The following AKAP6 variants were observed in gnomAD, a reference collection of about 807,000 sequenced individuals.
AKAP6 encodes A-kinase anchoring protein 6.
In AKAP6, 58 loss-of-function variants were observed where a neutral mutation model predicts 188.5. The observed-to-expected ratio is 0.31, with a 90% confidence interval of 0.25 to 0.38. The LOEUF is 0.38. AKAP6 is among the 10% of genes least tolerant of loss of function. The pLI is 1.00. For missense variants in AKAP6, 2,710 were observed against 2,740.0 expected (o/e 0.99, Z 0.24); for synonymous variants, 989 against 998.6 (o/e 0.99, Z 0.18).
At chr14:32,586,320 T>C (rs1299260703) in intron 5 of AKAP6, among the ~76,000 whole-genome samples, 1 of 152,232 alleles carries the variant, frequency 6.6e-6, no homozygotes, top group Non-Finnish European at 1.5e-5. Flanking sequence ...ATATCATTTC[T>C]GATTTATTTC....
At chr14:32,532,940 C>A (rs1178279131) in intron 2 of AKAP6, among the ~76,000 whole-genome samples, 1 of 152,072 alleles carries the variant, frequency 6.6e-6, no homozygotes, top group Non-Finnish European at 1.5e-5. Flanking sequence ...CTGAAGAGCA[C>A]CTGTAGTGGG....
chr14:32,681,261 A>G (rs950709734), intron 8 of AKAP6, among the ~76,000 whole-genome samples: 5 of 152,278 alleles, frequency 3.3e-5, no homozygotes, highest in African/African-American at 1.2e-4. Flanking sequence ...ATGAATTTCA[A>G]AGATTCAGTT....
intron 1 of AKAP6, among the ~76,000 whole-genome samples, chr14:32,365,746 A>G (rs930367692): frequency 1.3e-5 from 2 of 151,792 alleles, no homozygotes; most frequent in African/African-American, 4.8e-5. Context: ...CCTCCCCATT[A>G]TCTCACCTCC....
intron 2 of AKAP6, among the ~76,000 whole-genome samples, chr14:32,500,021 T>C (rs1880528244): frequency 6.6e-6 from 1 of 152,158 alleles, no homozygotes; most frequent in Admixed American, 6.6e-5. Context: ...TCTATAAAAA[T>C]CTAATTGTAA....
In AKAP6 at chr14:32,535,534, G is replaced by T; in HGVS notation, c.325-20G>T. The T allele has an allele frequency of 6.2e-7, 1 of 1,605,978 alleles. No individual in the cohort carries two copies. Among genetic ancestry groups the T allele is most frequent in the Non-Finnish European group, 8.5e-7 (1 of 1,174,386 alleles). Reference sequence around the variant, plus strand: ...ATAAGGCAAAGTAGTCCTCACATATGTTGCTTTTCTTTACTGCAGGACATT... The same window carrying T: ...ATAAGGCAAAGTAGTCCTCACATATTTTGCTTTTCTTTACTGCAGGACATT... On this transcript the variant is annotated intron_variant, in intron 2 of 13. Transcript: ENST00000280979.
chr14:32,763,191 G>A (rs1174011400), intron 11 of AKAP6, among the ~76,000 whole-genome samples: 1 of 152,000 alleles, frequency 6.6e-6, no homozygotes, highest in Non-Finnish European at 1.5e-5. Context: ...AAACCAGTTT[G>A]CTGTTTTGAA....
intron 9 of AKAP6, among the ~76,000 whole-genome samples, chr14:32,716,402 G>A (rs977731379): frequency 6.6e-5 from 10 of 150,976 alleles, no homozygotes; most frequent in African/African-American, 2.4e-4. Context: ...CTATTAGGCT[G>A]GTGCAAAAGT....
At position 32,835,594 on chromosome 14, in the gene AKAP6, A is replaced by G. The variant is rs2034867311; in HGVS notation, c.*5789A>G. On this transcript the variant is annotated 3_prime_UTR_variant, in exon 14 of 14. Transcript: ENST00000280979. ...TTCACAGTCAGTTTTTTTCAAATTCATTTTTCAACTCAAAGGCAAAACCAT... is the reference window on the plus strand; with the variant it reads ...TTCACAGTCAGTTTTTTTCAAATTCGTTTTTCAACTCAAAGGCAAAACCAT... 2 of 152,174 alleles carry G rather than the reference A, an allele frequency of 1.3e-5. No individual in the cohort carries two copies. The highest frequency in any genetic ancestry group is 2.9e-5 in the Non-Finnish European group (2 of 68,026). 9.4% of individuals were successfully genotyped at this position (152,174 alleles called of 1,614,324 possible).
At chr14:32,757,075 C>T (rs2032363389) in intron 11 of AKAP6, among the ~76,000 whole-genome samples, 1 of 152,126 alleles carries the variant, frequency 6.6e-6, no homozygotes, top group South Asian at 2.1e-4. Flanking sequence ...CTCCTTGCCT[C>T]AAATGGTGGG....
At chr14:32,503,522 T>C (rs932919574) in intron 2 of AKAP6, among the ~76,000 whole-genome samples, 3 of 151,164 alleles carry the variant, frequency 2.0e-5, no homozygotes, top group African/African-American at 7.3e-5. Context: ...ACTTACAGGG[T>C]TTTTTTTTCT....
intron 11 of AKAP6, among the ~76,000 whole-genome samples, chr14:32,745,639 C>G (rs1406538433): frequency 6.6e-6 from 1 of 151,992 alleles, no homozygotes; most frequent in Non-Finnish European, 1.5e-5. Context: ...AGCACTGGGT[C>G]CCGCCCAAGG....
At chr14:32,729,314 T>C (rs544308010) in intron 9 of AKAP6, among the ~76,000 whole-genome samples, 1 of 152,284 alleles carries the variant, frequency 6.6e-6, no homozygotes, top group East Asian at 1.9e-4. Context: ...CGGGGAAGCC[T>C]TTAGCGTAAC....
At position 32,837,553 on chromosome 14, in the gene AKAP6, C is replaced by A. The variant is rs910717915; in HGVS notation, c.*7748C>A. On this transcript the variant is annotated 3_prime_UTR_variant, in exon 14 of 14. Coordinates refer to ENST00000280979, the MANE Select transcript of AKAP6 (RefSeq NM_004274.5). ...GATCAAGTTACTTACACTAAGTCAG[C>A]AATTCAAAACAAATAATTCCCTCTG... The A allele has an allele frequency of 1.3e-5, 2 of 152,186 alleles. No homozygotes were observed. Among genetic ancestry groups the A allele is most frequent in the African/African-American group, 4.8e-5 (2 of 41,442 alleles). The allele number at this position is 152,186 out of a possible 1,614,324, so 9.4% of individuals were successfully genotyped here.
intron 1 of AKAP6, among the ~76,000 whole-genome samples, chr14:32,334,639 T>C (rs866307916): frequency 2.6e-5 from 4 of 152,204 alleles, no homozygotes; most frequent in African/African-American, 7.2e-5. Flanking sequence ...TTTGGTGCTA[T>C]CCATGGTTTC....
chr14:32,477,745 G>C (rs1224286867), intron 2 of AKAP6, among the ~76,000 whole-genome samples: 2 of 152,154 alleles, frequency 1.3e-5, no homozygotes, highest in Admixed American at 1.3e-4. Flanking sequence ...CAGCTGAGAG[G>C]CAATTTAGAA....
chr14:32,511,773 C>G (rs1310513996), intron 2 of AKAP6, among the ~76,000 whole-genome samples: 2 of 151,262 alleles, frequency 1.3e-5, no homozygotes, highest in East Asian at 3.9e-4. Flanking sequence ...AAACTGAGTG[C>G]TGAATTGCAG....
At chr14:32,643,461 C>T (rs1484805971) in intron 7 of AKAP6, among the ~76,000 whole-genome samples, 1 of 152,028 alleles carries the variant, frequency 6.6e-6, no homozygotes, top group Non-Finnish European at 1.5e-5. Context: ...GCACCCACCA[C>T]CATGCCCAGC....
At chr14:32,435,507 T>C (rs766850741) in intron 2 of AKAP6, among the ~76,000 whole-genome samples, 30 of 152,340 alleles carry the variant, frequency 2.0e-4, no homozygotes, top group Non-Finnish European at 3.8e-4. Context: ...TAGGGTTGTA[T>C]GTATTTTTCT....
At chr14:32,717,628 A>G (rs1330359357) in intron 9 of AKAP6, among the ~76,000 whole-genome samples, 1 of 151,694 alleles carries the variant, frequency 6.6e-6, no homozygotes, top group Non-Finnish European at 1.5e-5. Flanking sequence ...ACACACACAC[A>G]CACACACATT....
Sources: allele counts gnomAD v4.1 joint callset (sites outside exome capture counted in the v4.1 genomes callset), GRCh38; gene constraint gnomAD v4.1.1; transcripts MANE v1.5; gene names NCBI Gene and HGNC (gene_info 2026-07-23, HGNC 2026-07-21).